Variants in GPR137C observed in about 807,000 individuals in gnomAD.
GPR137C encodes the protein integral membrane protein GPR137C.
GPR137C carries 27 observed loss-of-function variants against 43.4 expected under a neutral mutation model. The ratio of observed to expected loss-of-function variants is 0.62; its 90% CI spans 0.46 to 0.86. GPR137C has a LOEUF of 0.86. Ranked by LOEUF, GPR137C falls within the 40% of genes least tolerant of loss-of-function variation. GPR137C has a pLI of 0.00. For synonymous variants in GPR137C, 285 were observed against 226.9 expected, an observed-to-expected ratio of 1.26 and a Z score of -2.30; for missense variants, 522 against 534.6, an observed-to-expected ratio of 0.98 and a Z score of 0.23.
intron 3 of GPR137C, among the ~76,000 whole-genome samples, chr14:52,616,213 T>C (rs1004152328): frequency 2.6e-5 from 4 of 152,190 alleles, no homozygotes; most frequent in Non-Finnish European, 5.9e-5. Context: ...TTGGAAACTA[T>C]CTCTAGTTAT....
chr14:52,635,420 T>G lies in GPR137C; in HGVS notation c.*305T>G, dbSNP rs1169535586. On this transcript the variant is annotated 3_prime_UTR_variant, in exon 7 of 7. Coordinates refer to ENST00000321662, the MANE Select transcript of GPR137C (RefSeq NM_001099652.2). ...CACTTTTATCTTTGTTCTGAGTCAC[T>G]GCAGTCCCCAAAGTCATATGCCAAT... The G allele has an allele frequency of 4.2e-6, 1 of 236,626 alleles. No homozygotes were observed. Among genetic ancestry groups the G allele is most frequent in the East Asian group, 1.2e-4 (1 of 8,270 alleles). The allele number at this position is 236,626 out of a possible 1,614,324, so 14.7% of individuals were successfully genotyped here.
chr14:52,572,006 A>G (rs1372358398), intron 1 of GPR137C, among the ~76,000 whole-genome samples: 4 of 152,222 alleles, frequency 2.6e-5, no homozygotes, highest in Admixed American at 6.5e-5. Flanking sequence ...GAAGAAATGG[A>G]TAAATTCCTG....
rs551240166 is a variant in GPR137C at position 52,579,249 on chromosome 14, C to T, written c.445-19023C>T. On this transcript the variant is annotated intron_variant, in intron 1 of 6. Transcript: ENST00000321662. ...TCTCAGTGTGGTGCTAAACTATCAA[C>T]TGTGCCTGGCATTTAACTTTCATGC... 1.6e-4 allele frequency among the ~76,000 whole-genome samples: 24 copies of T among 152,312 alleles called. 1 individual carries two copies. In the South Asian group the frequency reaches 5.0e-3, roughly 32 times the overall value.
intron 1 of GPR137C, 57 bp from the exon 2 acceptor site, chr14:52,598,215 A>AT: frequency 3.3e-6 from 2 of 609,282 alleles, no homozygotes; most frequent in Non-Finnish European, 5.6e-6. Flanking sequence ...ATCAGAACAT[A>AT]TTTAAGAATT....
intron 3 of GPR137C, among the ~76,000 whole-genome samples, chr14:52,608,422 G>A (rs1032753189): frequency 1.3e-5 from 2 of 152,182 alleles, no homozygotes; most frequent in Non-Finnish European, 1.5e-5. Context: ...CATTTTGAAC[G>A]TTTGATGGCA....
intron 3 of GPR137C, among the ~76,000 whole-genome samples, chr14:52,627,938 T>C (rs1291775309): frequency 3.2e-4 from 49 of 152,234 alleles, no homozygotes; most frequent in Non-Finnish European, 1.5e-5. Context: ...TACCATTCAG[T>C]ATGATAGCTA....
intron 3 of GPR137C, among the ~76,000 whole-genome samples, chr14:52,606,224 C>A (rs1269507024): frequency 6.6e-6 from 1 of 151,990 alleles, no homozygotes; most frequent in Non-Finnish European, 1.5e-5. Flanking sequence ...TACTGTTACT[C>A]ATTATTGATG....
intron 3 of GPR137C, among the ~76,000 whole-genome samples, chr14:52,616,016 C>T (rs1307684158): frequency 3.3e-5 from 5 of 152,144 alleles, no homozygotes; most frequent in Non-Finnish European, 7.3e-5. Flanking sequence ...CTTGTATAGA[C>T]ATTTAATTCA....
intron 3 of GPR137C, among the ~76,000 whole-genome samples, chr14:52,601,478 ATGTGTG>A (rs149787520): frequency 0.089 from 13,229 of 148,166 alleles, 638 homozygotes; most frequent in South Asian, 0.15. Context: ...GGGAGATATT[ATGTGTG>A]TGTGTGTGTG....
In GPR137C at chr14:52,603,266, A is replaced by G. The variant is rs553788791; in HGVS notation, c.717+2925A>G. Among the ~76,000 whole-genome samples, 5 of 152,276 alleles carry G rather than the reference A, an allele frequency of 3.3e-5. No homozygotes were observed. The South Asian group carries it at 1.0e-3, about 32-fold the overall frequency. On this transcript the variant is annotated intron_variant, in intron 3 of 6. Coordinates refer to ENST00000321662, the MANE Select transcript of GPR137C (RefSeq NM_001099652.2). ...CTCCAGGTCCATCCACGTTGTTTCA[A>G]ATGACAGGATTTCATTCTTTTTATG...
intron 3 of GPR137C, among the ~76,000 whole-genome samples, chr14:52,624,671 C>T (rs1233163232): frequency 6.6e-6 from 1 of 151,062 alleles, no homozygotes; most frequent in Non-Finnish European, 1.5e-5. Flanking sequence ...TTGCAGTGAG[C>T]CGAGATCATG....
rs1490535488 is a variant in GPR137C, at chr14:52,553,207, C to G, written c.60C>G (p.Pro20=). 1.6e-6 allele frequency: 2 copies of G among 1,258,574 alleles called. No homozygotes were observed. Among genetic ancestry groups the G allele is most frequent in the Admixed American group, 4.3e-5 (1 of 23,520 alleles). 78.0% of individuals were successfully genotyped at this position (1,258,574 alleles called of 1,614,324 possible). A position where few individuals can be genotyped will look rare whatever the true frequency, so the allele number is the denominator to read the frequency against. The change falls in exon 1 of 7, where the codon CCC becomes CCG. Residue 20 remains proline, a synonymous_variant. Coordinates refer to ENST00000321662, the MANE Select transcript of GPR137C (RefSeq NM_001099652.2). ...AAAAPAAGRE[P]STPGGGSGGG... ...CCGCCCCCGCAGCCGGCCGCGAGCC[C>G]TCCACGCCCGGCGGGGGCAGCGGAG...
chr14:52,602,835 G>A (rs1016331520), intron 3 of GPR137C, among the ~76,000 whole-genome samples: 18 of 151,762 alleles, frequency 1.2e-4, no homozygotes, highest in African/African-American at 2.9e-4. Context: ...TTTAATTGAC[G>A]TCATATTTAG....
intron 1 of GPR137C, among the ~76,000 whole-genome samples, chr14:52,561,023 A>G (rs758881534): frequency 3.3e-5 from 5 of 152,228 alleles, no homozygotes; most frequent in Non-Finnish European, 7.3e-5. Context: ...TCCAGTAAAA[A>G]TGAACAAAGG....
At chr14:52,618,459 C>A (rs2039123738) in intron 3 of GPR137C, among the ~76,000 whole-genome samples, 1 of 152,100 alleles carries the variant, frequency 6.6e-6, no homozygotes, top group Admixed American at 6.5e-5. Context: ...TGAATGAGCA[C>A]CCCTTTTTAT....
chr14:52,595,742 C>G (rs761931554), intron 1 of GPR137C, among the ~76,000 whole-genome samples: 85 of 152,212 alleles, frequency 5.6e-4, no homozygotes, highest in Non-Finnish European at 8.8e-4. Flanking sequence ...AGGTTTTTTG[C>G]TTTCTTGCAT....
intron 3 of GPR137C, chr14:52,613,206 A>G (rs2039058391): frequency 6.6e-6 from 1 of 150,894 alleles, no homozygotes; most frequent in African/African-American, 2.4e-5. Flanking sequence ...AGATCATGCC[A>G]CTGCACCTCC....
At chr14:52,623,559 A>C (rs1425702890) in intron 3 of GPR137C, among the ~76,000 whole-genome samples, 1 of 152,226 alleles carries the variant, frequency 6.6e-6, no homozygotes, top group African/African-American at 2.4e-5. Context: ...GATTGGTCTC[A>C]AAGTGATGCT....
At chr14:52,560,643 A>G (rs2038268108) in intron 1 of GPR137C, among the ~76,000 whole-genome samples, 1 of 152,216 alleles carries the variant, frequency 6.6e-6, no homozygotes, top group Admixed American at 6.5e-5. Flanking sequence ...CAAAAGTGCC[A>G]AGGTAATTTA....
Sources: gnomAD v4.1 joint callset for allele counts (sites outside exome capture counted in the v4.1 genomes callset) on GRCh38, gnomAD v4.1.1 for gene constraint, MANE v1.5 for transcripts, NCBI Gene and HGNC (gene_info 2026-07-23, HGNC 2026-07-21) for gene names.